Variants in FAM217A observed in about 807,000 individuals in gnomAD.
FAM217A encodes protein FAM217A.
In FAM217A, 13 loss-of-function variants were observed where a neutral mutation model predicts 18.5. The ratio of observed to expected loss-of-function variants is 0.70; its 90% confidence interval spans 0.46 to 1.12. FAM217A has a LOEUF of 1.12. Ranked by LOEUF, FAM217A falls within the 50% of genes most tolerant of loss-of-function variation. The pLI is 0.00. For synonymous variants in FAM217A, 161 were observed against 202.8 expected, an observed-to-expected ratio of 0.79 and a Z score of 1.75; for missense variants, 560 against 575.4, an observed-to-expected ratio of 0.97 and a Z score of 0.27.
chr6:4,070,591 CTA>C (rs1769336565), intron 6 of FAM217A, among the ~76,000 whole-genome samples: 1 of 152,038 alleles, frequency 6.6e-6, no homozygotes, highest in Admixed American at 6.6e-5. Context: ...TTAAAGATAA[CTA>C]GAAATACTGA....
At position 4,069,049 on chromosome 6, in the gene FAM217A, G is replaced by C; in HGVS notation, c.1174C>G (p.Pro392Ala). 6.2e-7 allele frequency: 1 copy of C among 1,613,972 alleles called. No individual in the cohort carries two copies. Residue 392 changes from proline (P) to alanine (A), a missense_variant, in exon 7 of 7, where the codon CCA (proline) becomes GCA (alanine). Coordinates refer to ENST00000274673, the MANE Select transcript of FAM217A (RefSeq NM_173563.3). ...TCATAAGTTTCAATCAATTGTTTTG[G>C]GGTGGAAGAACTTTTTAGAGACAGT... ...RPLSLKSSST[P>A]KQLIETYDKN...
At chr6:4,070,537 CA>C (rs1296245589) in intron 6 of FAM217A, among the ~76,000 whole-genome samples, 1 of 151,916 alleles carries the variant, frequency 6.6e-6, no homozygotes, top group African/African-American at 2.4e-5. Context: ...ATGAAAACTA[CA>C]AAAAAGCCAT....
upstream of FAM217A, among the ~76,000 whole-genome samples, chr6:4,082,966 G>GC (rs1770398349): frequency 6.6e-6 from 1 of 152,112 alleles, no homozygotes; most frequent in Non-Finnish European, 1.5e-5. Context: ...TCTTCAGAGG[G>GC]CCAAACCCTT....
upstream of FAM217A, among the ~76,000 whole-genome samples, chr6:4,081,626 T>G (rs1385645025): frequency 6.6e-6 from 1 of 152,232 alleles, no homozygotes; most frequent in Non-Finnish European, 1.5e-5. Context: ...TATTCCTATT[T>G]TATAATTGAG....
upstream of FAM217A, among the ~76,000 whole-genome samples, chr6:4,080,176 G>T (rs1349791607): frequency 7.9e-5 from 12 of 151,982 alleles, no homozygotes; most frequent in Admixed American, 7.9e-4. Flanking sequence ...CAATGTCAGG[G>T]GTTTCTCAGG....
intron 1 of FAM217A, among the ~76,000 whole-genome samples, chr6:4,078,478 C>T (rs1770013611): frequency 6.6e-6 from 1 of 152,138 alleles, no homozygotes; most frequent in Admixed American, 6.5e-5. Context: ...CAGCCAACAC[C>T]GGTTATTGGT....
chr6:4,080,911 C>CA (rs11300347), upstream of FAM217A, among the ~76,000 whole-genome samples: 15,035 of 136,838 alleles, frequency 0.11, 1,020 homozygotes, highest in African/African-American at 0.21. Context: ...AGAAAAAATA[C>CA]AAAAAAAAAA....
At chr6:4,077,487 G>C in intron 1 of FAM217A, 39 bp from the exon 2 acceptor site, 1 of 1,459,422 alleles carries the variant, frequency 6.9e-7, no homozygotes, top group East Asian at 2.3e-5. Flanking sequence ...ATGGGTAAGG[G>C]TCAACATTTA....
At position 4,085,311 on chromosome 6, in the gene FAM217A, A is replaced by AATAT. The variant is rs10636236; in HGVS notation, c.19-505_19-502dup. On this transcript the variant is annotated intron_variant, in intron 1 of 8. Transcript: ENST00000639338. ...AGAAGTGTTATTCATTGTAAAAAAA[A>AATAT]ATATATATATATATATAAAATATGT... Among the ~76,000 whole-genome samples the AATAT allele has an allele frequency of 4.6e-3, 675 of 146,430 alleles. 2 individuals carry two copies. The highest frequency in any genetic ancestry group is 0.016 in the African/African-American group (637 of 40,300).
chr6:4,074,867 T>G (rs1425282946), intron 2 of FAM217A, among the ~76,000 whole-genome samples: 5 of 152,170 alleles, frequency 3.3e-5, no homozygotes, highest in African/African-American at 1.2e-4. Flanking sequence ...TGCCTATTGT[T>G]GAGGAATCAG....
At chr6:4,087,295 A>G, upstream of FAM217A, 1 of 1,233,416 alleles carries the variant, frequency 8.1e-7, no homozygotes, top group Non-Finnish European at 1.0e-6. Context: ...AAATCCCCAA[A>G]TGACTTGGCA....
chr6:4,079,641 T>G, upstream of FAM217A: 1 of 1,169,640 alleles, frequency 8.5e-7, no homozygotes, highest in East Asian at 6.1e-5. Flanking sequence ...CCACCCTCCA[T>G]TCCCACCGCC....
At chr6:4,070,056 G>A in intron 6 of FAM217A, 136 bp from the exon 7 acceptor site, 3 of 579,120 alleles carry the variant, frequency 5.2e-6, no homozygotes, top group Non-Finnish European at 8.5e-6. Context: ...CTAGCTACCT[G>A]CAACAGAAAT....
At chr6:4,076,781 T>C (rs368619373) in intron 2 of FAM217A, among the ~76,000 whole-genome samples, 170 of 152,252 alleles carry the variant, frequency 1.1e-3, no homozygotes, top group African/African-American at 3.6e-3. Flanking sequence ...GGCAGGAGAA[T>C]CGCTTGAACC....
Position 4,068,672 on chromosome 6 carries a change from A to T in FAM217A, c.*24T>A, listed in dbSNP as rs1414927715. 6.4e-7 allele frequency: 1 copy of T among 1,565,652 alleles called. No homozygotes were observed. Among genetic ancestry groups the T allele is most frequent in the South Asian group, 1.2e-5 (1 of 80,498 alleles). On this transcript the variant is annotated 3_prime_UTR_variant, in exon 7 of 7. Transcript: ENST00000274673. ...GGCTTCTTAGAGTAGATGTGTTCAC[A>T]TTGAGATGTATGAAAGAAAAGAGTT... is the stretch of plus-strand genomic sequence containing the variant.
At chr6:4,082,017 TC>T (rs1358859206), upstream of FAM217A, among the ~76,000 whole-genome samples, 1 of 152,254 alleles carries the variant, frequency 6.6e-6, no homozygotes, top group East Asian at 1.9e-4. Context: ...TTAAAAATGT[TC>T]CTTTCATATT....
At position 4,075,777 on chromosome 6, in the gene FAM217A, G is replaced by A. The variant is rs181710288; in HGVS notation, c.61-1116C>T. ...AATCTCTTCACTAAGGAGGAACAGA[G>A]AGAAATAAGCTTCAATACAGCATGA... On this transcript the variant is annotated intron_variant, in intron 2 of 6. Coordinates refer to ENST00000274673, the MANE Select transcript of FAM217A (RefSeq NM_173563.3). Among the ~76,000 whole-genome samples, 93 of 152,300 alleles carry A rather than the reference G, an allele frequency of 6.1e-4. No homozygotes were observed. In the Middle Eastern group the frequency reaches 0.014, roughly 22 times the overall value.
intron 2 of FAM217A, among the ~76,000 whole-genome samples, chr6:4,076,544 C>T (rs967896758): frequency 6.6e-6 from 1 of 152,022 alleles, no homozygotes; most frequent in Non-Finnish European, 1.5e-5. Flanking sequence ...GAGAAATATC[C>T]TCAGCTGATG....
At chr6:4,077,902 C>A (rs1051698387) in intron 1 of FAM217A, among the ~76,000 whole-genome samples, 1 of 152,108 alleles carries the variant, frequency 6.6e-6, no homozygotes, top group South Asian at 2.1e-4. Context: ...AAAATGCCCC[C>A]AGGACCAAAC....
Sources: allele counts gnomAD v4.1 joint callset (sites outside exome capture counted in the v4.1 genomes callset), GRCh38; gene constraint gnomAD v4.1.1; transcripts MANE v1.5; gene names NCBI Gene and HGNC (gene_info 2026-07-23, HGNC 2026-07-21).